Variants in RGL1 observed in about 807,000 individuals in gnomAD.
The protein encoded by RGL1 is ral guanine nucleotide dissociation stimulator like 1, also known as ral guanine nucleotide dissociation stimulator-like 1.
In RGL1, 24 loss-of-function variants were observed where a neutral mutation model predicts 95.2. The ratio of observed to expected loss-of-function variants is 0.25; its 90% CI spans 0.18 to 0.35. The LOEUF is 0.35. Ranked by LOEUF, RGL1 falls within the 10% of genes least tolerant of loss-of-function variation. RGL1 has a pLI of 1.00. For synonymous variants in RGL1, 329 were observed against 344.9 expected (o/e 0.95, Z 0.51); for missense variants, 715 against 936.3 (o/e 0.76, Z 3.08).
chr1:183,899,869 G>A (rs1282690098), intron 10 of RGL1, among the ~76,000 whole-genome samples: 2 of 152,178 alleles, frequency 1.3e-5, no homozygotes, highest in South Asian at 2.1e-4. Context: ...CTTCTCACTT[G>A]AGCCAAAGCA....
intron 2 of RGL1, among the ~76,000 whole-genome samples, chr1:183,836,971 G>C (rs1474272340): frequency 6.6e-6 from 1 of 152,102 alleles, no homozygotes; most frequent in Admixed American, 6.5e-5. Flanking sequence ...TACAATAATA[G>C]GTAATCATAA....
At chr1:183,639,712 A>C (rs12093249) in intron 1 of RGL1, among the ~76,000 whole-genome samples, 19,300 of 150,356 alleles carry the variant, frequency 0.13, 1,782 homozygotes, top group African/African-American at 0.26. Context: ...AAAAAAAAAA[A>C]ATCAGGGAAA....
At chr1:183,876,710 G>C (rs1666518194) in intron 4 of RGL1, among the ~76,000 whole-genome samples, 1 of 152,186 alleles carries the variant, frequency 6.6e-6, no homozygotes, top group Admixed American at 6.5e-5. Flanking sequence ...ATATGTATGT[G>C]GGCACATATG....
At chr1:183,752,787 T>C (rs1257630923) in intron 2 of RGL1, among the ~76,000 whole-genome samples, 1 of 151,880 alleles carries the variant, frequency 6.6e-6, no homozygotes, top group Non-Finnish European at 1.5e-5. Flanking sequence ...TATAGAATTA[T>C]AGTTCTTTGA....
chr1:183,794,055 GAC>G (rs147087444), intron 2 of RGL1, among the ~76,000 whole-genome samples: 10,162 of 145,900 alleles, frequency 0.07, 402 homozygotes, highest in Middle Eastern at 0.1. Context: ...AGAAAATGTG[GAC>G]ACACACACAC....
intron 1 of RGL1, among the ~76,000 whole-genome samples, chr1:183,719,614 A>G (rs952660704): frequency 5.9e-5 from 9 of 152,224 alleles, no homozygotes; most frequent in Non-Finnish European, 2.9e-5. Context: ...AAAAATAGAA[A>G]AAAATTAAAG....
intron 2 of RGL1, among the ~76,000 whole-genome samples, chr1:183,825,725 A>C (rs1662801051): frequency 6.6e-6 from 1 of 152,248 alleles, no homozygotes. Flanking sequence ...TCCTTGTTCC[A>C]GTTGAGTAGA....
At chr1:183,701,565 C>T (rs535558562) in intron 1 of RGL1, among the ~76,000 whole-genome samples, 22 of 152,280 alleles carry the variant, frequency 1.4e-4, no homozygotes, top group African/African-American at 5.3e-4. Context: ...AGGGAACAAC[C>T]TCTACCCAAA....
chr1:183,910,615 T>C (rs570710185), intron 14 of RGL1, among the ~76,000 whole-genome samples: 1 of 152,326 alleles, frequency 6.6e-6, no homozygotes, highest in African/African-American at 2.4e-5. Flanking sequence ...TTCTTACTGC[T>C]TTCTCCATAT....
At chr1:183,852,594 A>T (rs919949830) in intron 3 of RGL1, among the ~76,000 whole-genome samples, 1 of 152,106 alleles carries the variant, frequency 6.6e-6, no homozygotes, top group Non-Finnish European at 1.5e-5. Flanking sequence ...CAGGTGGATC[A>T]CCTGAGGTCA....
intron 4 of RGL1, among the ~76,000 whole-genome samples, chr1:183,870,553 G>A (rs576609692): frequency 6.6e-6 from 1 of 152,296 alleles, no homozygotes; most frequent in South Asian, 2.1e-4. Flanking sequence ...GACGCGTGCT[G>A]CTGGCGCAAG....
At chr1:183,659,327 T>C (rs1175119954) in intron 1 of RGL1, among the ~76,000 whole-genome samples, 3 of 152,104 alleles carry the variant, frequency 2.0e-5, no homozygotes, top group Non-Finnish European at 4.4e-5. Context: ...TAGACTAATG[T>C]ATAACTAGAA....
At chr1:183,820,569 T>A (rs1274431406) in intron 2 of RGL1, among the ~76,000 whole-genome samples, 2 of 152,084 alleles carry the variant, frequency 1.3e-5, no homozygotes, top group African/African-American at 2.4e-5. Flanking sequence ...CTTCTAGACA[T>A]CATTGCCACT....
intron 1 of RGL1, among the ~76,000 whole-genome samples, chr1:183,637,875 C>T (rs1392879724): frequency 6.6e-6 from 1 of 151,926 alleles, no homozygotes. Flanking sequence ...TGGTGAATGG[C>T]GTTATATAAC....
At chr1:183,636,429 AGTCGAAAGGTCAAATCTTATCT>A (rs1285617451) in exon 1 of RGL1, 2 of 364,450 alleles carry the variant, frequency 5.5e-6, no homozygotes, top group African/African-American at 4.2e-5. Flanking sequence ...CCAAGGACGG[AGTCGAAAGGTCAAATCTTATCT>A]GTCAGTGCTG....
intron 2 of RGL1, among the ~76,000 whole-genome samples, chr1:183,834,321 C>T (rs1455267713): frequency 6.6e-6 from 1 of 152,086 alleles, no homozygotes; most frequent in African/African-American, 2.4e-5. Context: ...AAAGCACTAG[C>T]AAGTAGCTGA....
chr1:183,843,309 T>C (rs527449542), intron 2 of RGL1, among the ~76,000 whole-genome samples: 1 of 152,370 alleles, frequency 6.6e-6, no homozygotes, highest in Admixed American at 6.5e-5. Context: ...TTAGGTCATA[T>C]GTGGTTCTTC....
At chr1:183,764,959 A>G (rs879672227) in intron 2 of RGL1, among the ~76,000 whole-genome samples, 7 of 152,176 alleles carry the variant, frequency 4.6e-5, no homozygotes, top group Non-Finnish European at 7.4e-5. Context: ...ACCTCTCACA[A>G]GGAATCAGAT....
At chr1:183,668,934 TC>T (rs150475856) in intron 1 of RGL1, among the ~76,000 whole-genome samples, 1 of 131,104 alleles carries the variant, frequency 7.6e-6, no homozygotes, top group South Asian at 2.4e-4. Flanking sequence ...TATTGGACTT[TC>T]TTTTCTTTTT....
Sources: gnomAD v4.1 joint callset for allele counts (sites outside exome capture counted in the v4.1 genomes callset) on GRCh38, gnomAD v4.1.1 for gene constraint, MANE v1.5 for transcripts, NCBI Gene and HGNC (gene_info 2026-07-23, HGNC 2026-07-21) for gene names.